MANBA: variants seen among roughly 807,000 people sequenced by gnomAD.
MANBA encodes the protein mannosidase beta.
Under a neutral mutation model 111.1 loss-of-function variants are expected in MANBA, and 83 were observed. The ratio of observed to expected loss-of-function variants is 0.75; its 90% CI spans 0.63 to 0.90. The LOEUF (loss-of-function observed/expected upper bound fraction) is 0.90, where lower values mean the gene tolerates loss of function less well. Ranked by LOEUF, MANBA falls within the 40% of genes least tolerant of loss-of-function variation. MANBA has a pLI of 0.00. For missense variants in MANBA, 1,036 were observed against 1,069.0 expected (o/e 0.97, Z 0.43); for synonymous variants, 370 against 378.7 (o/e 0.98, Z 0.27).
chr4:102,724,603 T>C (rs981263132), intron 2 of MANBA, among the ~76,000 whole-genome samples: 6 of 151,440 alleles, frequency 4.0e-5, no homozygotes, highest in African/African-American at 1.5e-4. Context: ...TCTCACAAAC[T>C]ACATTTACTG....
At chr4:102,738,288 G>A (rs1397047671) in intron 1 of MANBA, among the ~76,000 whole-genome samples, 2 of 152,206 alleles carry the variant, frequency 1.3e-5, no homozygotes, top group Non-Finnish European at 2.9e-5. Flanking sequence ...TTCACTGCTA[G>A]CATAACCAGC....
At chr4:102,732,721 T>C (rs1723074259) in intron 1 of MANBA, among the ~76,000 whole-genome samples, 1 of 152,174 alleles carries the variant, frequency 6.6e-6, no homozygotes, top group Non-Finnish European at 1.5e-5. Flanking sequence ...CCAACTTATC[T>C]CCCACACAGG....
At chr4:102,706,064 C>T (rs997215902) in intron 5 of MANBA, among the ~76,000 whole-genome samples, 1 of 152,154 alleles carries the variant, frequency 6.6e-6, no homozygotes, top group Non-Finnish European at 1.5e-5. Flanking sequence ...TGTCCAGGGG[C>T]CTGAAGACCC....
At chr4:102,678,770 T>A (rs921035477) in intron 7 of MANBA, among the ~76,000 whole-genome samples, 1 of 152,208 alleles carries the variant, frequency 6.6e-6, no homozygotes, top group African/African-American at 2.4e-5. Context: ...CAAACAAGAA[T>A]TAAGGATATC....
At chr4:102,673,885 AAAGAAGAAC>A in intron 8 of MANBA, 25 bp downstream of exon 8, 1 of 1,584,328 alleles carries the variant, frequency 6.3e-7, no homozygotes, top group Non-Finnish European at 8.7e-7. Flanking sequence ...CTGCTAATTA[AAAGAAGAAC>A]AAGAAAAGAA....
At chr4:102,696,611 A>G (rs1253257909) in intron 5 of MANBA, among the ~76,000 whole-genome samples, 1 of 152,206 alleles carries the variant, frequency 6.6e-6, no homozygotes, top group Admixed American at 6.5e-5. Context: ...GGCAGGGCAC[A>G]TTCAAGTCAG....
At chr4:102,740,292 T>C (rs544332346) in intron 1 of MANBA, among the ~76,000 whole-genome samples, 10 of 152,280 alleles carry the variant, frequency 6.6e-5, no homozygotes, top group South Asian at 2.1e-4. Context: ...AAAGAAGTCA[T>C]AGATAACACT....
chr4:102,752,087 C>A (rs1723827202), intron 1 of MANBA: 2 of 760,728 alleles, frequency 2.6e-6, no homozygotes, highest in East Asian at 4.9e-5. Context: ...ATGGAGGAAT[C>A]CACAAATCGA....
chr4:102,644,452 A>G (rs1193090580), intron 13 of MANBA, among the ~76,000 whole-genome samples: 1 of 152,182 alleles, frequency 6.6e-6, no homozygotes, highest in Non-Finnish European at 1.5e-5. Flanking sequence ...AAAATAAAGG[A>G]AATCCTGTCA....
At position 102,632,135 on chromosome 4, in the gene MANBA, T is replaced by C. The variant is rs1310077824; in HGVS notation, c.2562A>G (p.Leu854=). The change falls in exon 17 of 17, where the codon TTA becomes TTG. Residue 854 remains leucine, a synonymous_variant. Transcript: ENST00000647097. ...FLMTEKTRTI[L]FYPWEPTSKN... is the part of the protein sequence containing the mutation. Reference sequence around the variant, plus strand: ...TGCTGGTGGGCTCCCAAGGGTAAAATAATATAGTTCGTGTCTTCTCAGTCA... The same window carrying C: ...TGCTGGTGGGCTCCCAAGGGTAAAACAATATAGTTCGTGTCTTCTCAGTCA... 1.9e-6 allele frequency: 3 copies of C among 1,613,530 alleles called. No individual in the cohort carries two copies. Among genetic ancestry groups the C allele is most frequent in the Non-Finnish European group, 2.5e-6 (3 of 1,179,558 alleles).
In MANBA at chr4:102,650,568, C is replaced by T. The variant is rs377540450; in HGVS notation, c.1838G>A (p.Arg613His). 59 of 1,613,206 alleles carry T rather than the reference C, an allele frequency of 3.7e-5. No individual in the cohort carries two copies. The highest frequency in any genetic ancestry group is 1.6e-4 in the Middle Eastern group (1 of 6,076). ...AAGGTAGATGGTATCTTTAAATGTGCGTAATGGATCTGTGCTTTGGGGGAG... is the reference window on the plus strand; with the variant it reads ...AAGGTAGATGGTATCTTTAAATGTGTGTAATGGATCTGTGCTTTGGGGGAG... ...FKLPQSTDPL[R>H]TFKDTIYLTQ... The change falls in exon 13 of 17, where the codon CGC becomes CAC. Residue 613 changes from arginine (R) to histidine (H), a missense_variant. Transcript: ENST00000647097.
At chr4:102,649,193 G>A (rs1009501431) in intron 13 of MANBA, among the ~76,000 whole-genome samples, 1 of 152,094 alleles carries the variant, frequency 6.6e-6, no homozygotes, top group Non-Finnish European at 1.5e-5. Flanking sequence ...TGGGGCTATT[G>A]TGAATAATGC....
chr4:102,660,106 G>A (rs912152210), intron 11 of MANBA, among the ~76,000 whole-genome samples: 5 of 152,020 alleles, frequency 3.3e-5, no homozygotes, highest in African/African-American at 9.7e-5. Context: ...TGCCAACATC[G>A]CAAATCCAAC....
At chr4:102,744,874 C>T (rs1187468392) in intron 1 of MANBA, among the ~76,000 whole-genome samples, 1 of 152,194 alleles carries the variant, frequency 6.6e-6, no homozygotes, top group African/African-American at 2.4e-5. Context: ...AGGGGTAGCT[C>T]TAATGGTTTC....
intron 5 of MANBA, among the ~76,000 whole-genome samples, chr4:102,702,363 A>C (rs1024108961): frequency 2.6e-5 from 4 of 152,120 alleles, no homozygotes; most frequent in African/African-American, 9.7e-5. Context: ...AACTTGTCAA[A>C]GTCATTCTCC....
chr4:102,639,243 T>C (rs1204275754), intron 14 of MANBA, among the ~76,000 whole-genome samples: 1 of 152,186 alleles, frequency 6.6e-6, no homozygotes, highest in Non-Finnish European at 1.5e-5. Context: ...ATCTTCATTA[T>C]GTCCTTAAAG....
intron 13 of MANBA, among the ~76,000 whole-genome samples, chr4:102,640,517 C>A (rs1340328792): frequency 6.6e-6 from 1 of 152,148 alleles, no homozygotes; most frequent in African/African-American, 2.4e-5. Flanking sequence ...ATTACCGACA[C>A]CATCATGGAA....
intron 5 of MANBA, among the ~76,000 whole-genome samples, chr4:102,712,280 T>G (rs1560790642): frequency 6.6e-6 from 1 of 152,200 alleles, no homozygotes; most frequent in Non-Finnish European, 1.5e-5. Flanking sequence ...AAATTGAATT[T>G]TAAGCATCAT....
At chr4:102,670,348 G>C (rs1731439731) in intron 9 of MANBA, among the ~76,000 whole-genome samples, 2 of 151,996 alleles carry the variant, frequency 1.3e-5, no homozygotes, top group African/African-American at 4.8e-5. Context: ...AAAATATGTA[G>C]AGCACTTAGA....
Sources: gnomAD v4.1 joint callset for allele counts (sites outside exome capture counted in the v4.1 genomes callset) on GRCh38, gnomAD v4.1.1 for gene constraint, MANE v1.5 for transcripts, NCBI Gene and HGNC (gene_info 2026-07-23, HGNC 2026-07-21) for gene names.